The following PLEKHM3 variants were observed in gnomAD, a reference collection of about 807,000 sequenced individuals.
PLEKHM3 encodes pleckstrin homology domain containing M3.
In PLEKHM3, 45 loss-of-function variants were observed where a neutral mutation model predicts 81.8. That is an observed-to-expected ratio of 0.55 (90% confidence interval 0.43 to 0.71). The LOEUF (loss-of-function observed/expected upper bound fraction) is 0.71, where lower values mean the gene tolerates loss of function less well. Ranked by LOEUF, PLEKHM3 falls within the 30% of genes least tolerant of loss-of-function variation. PLEKHM3 has a pLI of 0.00. For synonymous variants in PLEKHM3, 352 were observed against 356.4 expected, an observed-to-expected ratio of 0.99 and a Z score of 0.14; for missense variants, 788 against 924.3, an observed-to-expected ratio of 0.85 and a Z score of 1.91.
chr2:208,017,222 A>G (rs1692952832), intron 1 of PLEKHM3, among the ~76,000 whole-genome samples: 1 of 152,238 alleles, frequency 6.6e-6, no homozygotes, highest in Non-Finnish European at 1.5e-5. Context: ...GAAAATAAGG[A>G]TAACTGTCTC....
intron 2 of PLEKHM3, among the ~76,000 whole-genome samples, chr2:207,979,717 A>G (rs1691456568): frequency 3.3e-5 from 5 of 152,282 alleles, no homozygotes; most frequent in South Asian, 2.1e-4. Context: ...GCCAAAGGGT[A>G]TGATTTCTGC....
chr2:207,858,178 A>ATTTTTT (rs367774955), intron 7 of PLEKHM3, among the ~76,000 whole-genome samples: 4 of 44,344 alleles, frequency 9.0e-5, no homozygotes, highest in African/African-American at 2.6e-4. Flanking sequence ...GTGTGTGTAT[A>ATTTTTT]TATTTTTTTT....
chr2:207,878,034 G>T (rs1285312929), intron 6 of PLEKHM3, among the ~76,000 whole-genome samples: 1 of 152,094 alleles, frequency 6.6e-6, no homozygotes, highest in Non-Finnish European at 1.5e-5. Context: ...TGCCTCCTGG[G>T]CTCAAACGAT....
chr2:207,977,952 T>C (rs1691377124), intron 2 of PLEKHM3, among the ~76,000 whole-genome samples: 2 of 152,120 alleles, frequency 1.3e-5, no homozygotes, highest in East Asian at 3.9e-4. Context: ...CTGGGCATGG[T>C]GGCACATGCC....
intron 6 of PLEKHM3, among the ~76,000 whole-genome samples, chr2:207,890,398 T>A (rs879367345): frequency 6.6e-6 from 1 of 152,028 alleles, no homozygotes; most frequent in African/African-American, 2.4e-5. Flanking sequence ...AAGGCCGAGG[T>A]GGGTGGATCA....
intron 2 of PLEKHM3, among the ~76,000 whole-genome samples, chr2:207,998,416 G>T (rs1692189706): frequency 6.6e-6 from 1 of 152,186 alleles, no homozygotes; most frequent in African/African-American, 2.4e-5. Flanking sequence ...GAAGGGTGAG[G>T]TGGAAGGATC....
At chr2:207,909,403 T>G (rs542942779) in intron 5 of PLEKHM3, among the ~76,000 whole-genome samples, 1 of 152,316 alleles carries the variant, frequency 6.6e-6, no homozygotes, top group South Asian at 2.1e-4. Context: ...TCTTATTTGG[T>G]ACTATGCAAT....
At chr2:207,923,878 C>T (rs868523148) in intron 5 of PLEKHM3, among the ~76,000 whole-genome samples, 74 of 38,954 alleles carry the variant, frequency 1.9e-3, no homozygotes, top group African/African-American at 4.3e-3. Context: ...CACACACACA[C>T]ACATATATAT....
intron 2 of PLEKHM3, 119 bp downstream of exon 2, chr2:208,000,911 A>G (rs971386181): frequency 9.9e-7 from 1 of 1,006,256 alleles, no homozygotes; most frequent in Non-Finnish European, 1.4e-6. Flanking sequence ...TAAGAGAGAC[A>G]AAGGAAAAAC....
chr2:207,996,759 A>C (rs1414422377), intron 2 of PLEKHM3, among the ~76,000 whole-genome samples: 1 of 152,182 alleles, frequency 6.6e-6, no homozygotes, highest in Non-Finnish European at 1.5e-5. Context: ...ATTTCAAGAA[A>C]TATTTATTAT....
intron 6 of PLEKHM3, among the ~76,000 whole-genome samples, chr2:207,882,290 T>G (rs1687710608): frequency 6.6e-6 from 1 of 151,796 alleles, no homozygotes; most frequent in Non-Finnish European, 1.5e-5. Context: ...TTGTTTTCTC[T>G]TCTCTCTCTC....
intron 6 of PLEKHM3, among the ~76,000 whole-genome samples, chr2:207,907,511 AG>A (rs1375230989): frequency 2.0e-5 from 3 of 152,120 alleles, no homozygotes; most frequent in Non-Finnish European, 4.4e-5. Flanking sequence ...CACAAACGAA[AG>A]GAAAAAAAAA....
At chr2:207,872,271 T>C (rs1228551880) in intron 6 of PLEKHM3, among the ~76,000 whole-genome samples, 1 of 152,116 alleles carries the variant, frequency 6.6e-6, no homozygotes, top group Non-Finnish European at 1.5e-5. Flanking sequence ...TAAAACTGAG[T>C]TCCTGCACAG....
chr2:207,943,578 T>C (rs1475388953), intron 4 of PLEKHM3, among the ~76,000 whole-genome samples: 1 of 152,172 alleles, frequency 6.6e-6, no homozygotes, highest in South Asian at 2.1e-4. Flanking sequence ...AGAAATGCTG[T>C]ACCATATAGG....
At chr2:207,973,152 A>G (rs1205370134) in intron 3 of PLEKHM3, among the ~76,000 whole-genome samples, 1 of 152,254 alleles carries the variant, frequency 6.6e-6, no homozygotes. Context: ...ATTTTGGAAG[A>G]TCAACATGCT....
At chr2:207,941,707 T>C (rs1327037623) in intron 4 of PLEKHM3, among the ~76,000 whole-genome samples, 1 of 152,192 alleles carries the variant, frequency 6.6e-6, no homozygotes. Flanking sequence ...GAAGAAAATA[T>C]GTGCAAGCCA....
chr2:207,921,741 A>G (rs1233851610), intron 5 of PLEKHM3, among the ~76,000 whole-genome samples: 1 of 152,182 alleles, frequency 6.6e-6, no homozygotes, highest in Non-Finnish European at 1.5e-5. Flanking sequence ...GTTCCTGCAT[A>G]TGAATGAGAA....
chr2:207,877,524 G>C (rs577213217), intron 6 of PLEKHM3, among the ~76,000 whole-genome samples: 1 of 152,246 alleles, frequency 6.6e-6, no homozygotes, highest in South Asian at 2.1e-4. Context: ...TGAAGAAAAA[G>C]GATTTTACTT....
At chr2:207,979,475 A>G (rs1388490249) in intron 2 of PLEKHM3, among the ~76,000 whole-genome samples, 1 of 151,942 alleles carries the variant, frequency 6.6e-6, no homozygotes, top group Non-Finnish European at 1.5e-5. Context: ...CGGAAGTTGC[A>G]GTGAGCTGAG....
Sources: gnomAD v4.1 joint callset for allele counts (sites outside exome capture counted in the v4.1 genomes callset) on GRCh38, gnomAD v4.1.1 for gene constraint, MANE v1.5 for transcripts, NCBI Gene and HGNC (gene_info 2026-07-23, HGNC 2026-07-21) for gene names.